PLGLB1: variants seen among roughly 807,000 people sequenced by gnomAD.
PLGLB1 encodes the protein plasminogen like B1.
rs1189327011 is a variant in PLGLB1, at chr2:87,017,122, C to T, written c.185+431G>A. On this transcript the variant is annotated intron_variant, in intron 2 of 3. Coordinates refer to ENST00000355705, the MANE Select transcript of PLGLB1 (RefSeq NM_001032392.4). ...TGGGTAGAACATGCATTGATTATGC[C>T]TGTAGCTCACTTAGGCTGTCTTTTT... Among the ~76,000 whole-genome samples the T allele has an allele frequency of 2.0e-5, 3 of 146,800 alleles. 1 individual carries two copies. The highest frequency in any genetic ancestry group is 4.6e-5 in the Non-Finnish European group (3 of 65,060).
chr2:87,019,531 G>A (rs1573662806), intron 1 of PLGLB1, among the ~76,000 whole-genome samples: 1 of 115,816 alleles, frequency 8.6e-6, no homozygotes, highest in Non-Finnish European at 1.7e-5. Context: ...TCATTTCCAA[G>A]AAGAGTTGTG....
Position 87,018,999 on chromosome 2 carries a change from A to AGG in PLGLB1, c.50-1313_50-1312dup, listed in dbSNP as rs1387362581. 2.0e-4 allele frequency among the ~76,000 whole-genome samples: 18 copies of AGG among 88,448 alleles called. No individual in the cohort carries two copies. In the East Asian group the frequency reaches 4.8e-3, roughly 24 times the overall value. The allele number at this position is 88,448 out of a possible 152,430, so 58.0% of individuals were successfully genotyped here. A position where few individuals can be genotyped will look rare whatever the true frequency, so the allele number is the denominator to read the frequency against. ...CAACAGGACAACCTTGACCACTTTGAGGGGCGTGGTGGGGGCTGCAGGCAG... is the reference window on the plus strand; with the variant it reads ...CAACAGGACAACCTTGACCACTTTGAGGGGGGCGTGGTGGGGGCTGCAGGCAG... On this transcript the variant is annotated intron_variant, in intron 1 of 3. Transcript: ENST00000355705.
intron 1 of PLGLB1, chr2:87,018,572 C>A (rs1274918537): frequency 8.5e-5 from 9 of 106,042 alleles, no homozygotes; most frequent in African/African-American, 2.3e-4. Context: ...GGGCTGATGA[C>A]AGTCACACAA....
rs1682392775 is a variant in PLGLB1, at chr2:87,019,843, C to T, written c.49+1892G>A. Among the ~76,000 whole-genome samples the T allele has an allele frequency of 3.2e-5, 3 of 94,024 alleles. 1 individual carries two copies. The highest frequency in any genetic ancestry group is 5.7e-5 in the Non-Finnish European group (3 of 52,586). The allele number at this position is 94,024 out of a possible 152,430, so 61.7% of individuals were successfully genotyped here. A position where few individuals can be genotyped will look rare whatever the true frequency, so the allele number is the denominator to read the frequency against. ...TTCTTTTTAATTTGAAATAATTTTC[C>T]CCCATTTTTTTTTTCTCTTATTCAC... On this transcript the variant is annotated intron_variant, in intron 1 of 3. Coordinates refer to ENST00000355705, the MANE Select transcript of PLGLB1 (RefSeq NM_001032392.4).
chr2:87,017,066 C>T (rs1347137196), intron 2 of PLGLB1, among the ~76,000 whole-genome samples: 1 of 143,460 alleles, frequency 7.0e-6, no homozygotes, highest in African/African-American at 2.5e-5. Flanking sequence ...CTAGCTGCCT[C>T]AACCTTAGGC....
At chr2:87,017,131 A>G (rs879601145) in intron 2 of PLGLB1, among the ~76,000 whole-genome samples, 18 of 143,712 alleles carry the variant, frequency 1.3e-4, no homozygotes, top group Non-Finnish European at 2.0e-4. Context: ...CCTGTAGCTC[A>G]CTTAGGCTGT....
intron 1 of PLGLB1, chr2:87,018,651 T>TA (rs1388819878): frequency 1.0e-4 from 4 of 38,766 alleles, no homozygotes; most frequent in Non-Finnish European, 4.1e-5. Flanking sequence ...GAGGAAATTG[T>TA]AAAAAAGCAG....
chr2:87,020,648 A>C (rs1682400311), intron 1 of PLGLB1, among the ~76,000 whole-genome samples: 1 of 110,618 alleles, frequency 9.0e-6, no homozygotes, highest in South Asian at 3.0e-4. Context: ...CGGGGGTAAC[A>C]GCTAAGGAGA....
rs1414272935 is a variant in PLGLB1, at chr2:87,013,064, G to A, written c.*57C>T. 1.2e-5 allele frequency: 6 copies of A among 493,866 alleles called. 1 individual carries two copies. Among genetic ancestry groups the A allele is most frequent in the Admixed American group, 7.4e-5 (3 of 40,366 alleles). 30.6% of individuals were successfully genotyped at this position (493,866 alleles called of 1,614,324 possible). ...GACAGGTGATGCCATTTTTTGTTTT[G>A]GACATCGTCCCTCTGTAGTTCTTTC... On this transcript the variant is annotated 3_prime_UTR_variant, in exon 4 of 4. Coordinates refer to ENST00000355705, the MANE Select transcript of PLGLB1 (RefSeq NM_001032392.4).
intron 1 of PLGLB1, chr2:87,018,201 TAAAC>T (rs1261141163): frequency 4.3e-5 from 1 of 23,284 alleles, no homozygotes; most frequent in Non-Finnish European, 7.3e-5. Flanking sequence ...TATAAATCCT[TAAAC>T]AAGAACAAAT....
intron 1 of PLGLB1, among the ~76,000 whole-genome samples, chr2:87,020,809 AAAG>A (rs1015404004): frequency 2.7e-5 from 4 of 146,924 alleles, no homozygotes; most frequent in African/African-American, 5.4e-5. Flanking sequence ...TTTTTTAAAA[AAAG>A]AAAAAGAAAA....
chr2:87,017,655 G>A lies in PLGLB1; in HGVS notation c.83C>T (p.Thr28Ile), dbSNP rs1240216251. 6.2e-5 allele frequency: 2 copies of A among 32,360 alleles called. No homozygotes were observed. Among genetic ancestry groups the A allele is most frequent in the Non-Finnish European group, 1.1e-4 (2 of 18,500 alleles). 2.0% of individuals were successfully genotyped at this position (32,360 alleles called of 1,614,324 possible). A position where few individuals can be genotyped will look rare whatever the true frequency, so the allele number is the denominator to read the frequency against. ...QGEPLDDYVNTQGPSLFSVTK... is the reference protein window; with the variant it reads ...QGEPLDDYVNIQGPSLFSVTK... ...GACACTGAACAGTGAAGGCCCCTGG[G>A]TATTCACATAGTCATCCAGGGGCTC... is the stretch of plus-strand genomic sequence containing the variant. The change falls in exon 2 of 4, where the codon ACC becomes ATC. Residue 28 changes from threonine to isoleucine, a missense_variant. Physicochemically the swap from Thr to Ile is moderately conservative, Grantham distance 89. Transcript: ENST00000355705.
In PLGLB1 at chr2:87,019,820, C is replaced by T. The variant is rs574803842; in HGVS notation, c.49+1915G>A. Among the ~76,000 whole-genome samples, 28 of 99,196 alleles carry T rather than the reference C, an allele frequency of 2.8e-4. 9 individuals are homozygous for T. Among genetic ancestry groups the T allele is most frequent in the African/African-American group, 4.6e-4 (7 of 15,346 alleles). 65.1% of individuals were successfully genotyped at this position (99,196 alleles called of 152,430 possible). ...TCCCAAAACAGAATCAAACTGTTTT[C>T]TTTTTAATTTGAAATAATTTTCCCC... is the stretch of plus-strand genomic sequence containing the variant. On this transcript the variant is annotated intron_variant, in intron 1 of 3. Transcript: ENST00000355705.
In PLGLB1 at chr2:87,010,945, G is replaced by A. The variant is rs563993073; in HGVS notation, c.*2176C>T. ...AAATCAGGTTAATTCTGGGATCTGA[G>A]CAAAGTTTTGCTCCTTTCCGAGAGG... On this transcript the variant is annotated 3_prime_UTR_variant, in exon 4 of 4. Coordinates refer to ENST00000355705, the MANE Select transcript of PLGLB1 (RefSeq NM_001032392.4). 1.3e-4 allele frequency among the ~76,000 whole-genome samples: 12 copies of A among 93,700 alleles called. 2 individuals carry two copies. The highest frequency in any genetic ancestry group is 1.0e-3 in the Admixed American group (11 of 10,482). The allele number at this position is 93,700 out of a possible 152,430, so 61.5% of individuals were successfully genotyped here.
At chr2:87,013,575 A>C (rs1190305180) in intron 3 of PLGLB1, 1 of 76,820 alleles carries the variant, frequency 1.3e-5, no homozygotes, top group Non-Finnish European at 2.5e-5. Context: ...CCGAGGCTGA[A>C]AGAGATCCAA....
At chr2:87,018,907 T>C (rs370068387) in intron 1 of PLGLB1, among the ~76,000 whole-genome samples, 36 of 36,300 alleles carry the variant, frequency 9.9e-4, no homozygotes, top group Admixed American at 3.4e-3. Flanking sequence ...ATGCTAGTGA[T>C]TTTCACAGGG....
intron 2 of PLGLB1, 135 bp downstream of exon 2, chr2:87,017,418 G>A (rs568947055): frequency 2.0e-4 from 10 of 50,898 alleles, no homozygotes; most frequent in African/African-American, 6.3e-4. Context: ...GGCTTCACAT[G>A]CTATGAGCAA....
intron 1 of PLGLB1, chr2:87,018,476 C>G (rs2104877448): frequency 9.4e-6 from 1 of 106,476 alleles, no homozygotes; most frequent in Non-Finnish European, 1.8e-5. Flanking sequence ...AAGAACTGAA[C>G]TAAATTATGT....
At chr2:87,017,376 TC>T (rs1444991409) in intron 2 of PLGLB1, 176 bp downstream of exon 2, 1 of 64,626 alleles carries the variant, frequency 1.5e-5, no homozygotes, top group African/African-American at 5.0e-5. Flanking sequence ...TAATGAAGAC[TC>T]CAGTAAACCT....
Sources: allele counts gnomAD v4.1 joint callset (sites outside exome capture counted in the v4.1 genomes callset), GRCh38; gene constraint gnomAD v4.1.1; transcripts MANE v1.5; gene names NCBI Gene and HGNC (gene_info 2026-07-23, HGNC 2026-07-21).